The following RGS9 variants were observed in gnomAD, a reference collection of about 807,000 sequenced individuals.
RGS9 encodes regulator of G-protein signalling 9.
A neutral mutation model predicts 102.0 loss-of-function variants in RGS9; 78 were observed. That is an observed-to-expected ratio of 0.76 (90% CI 0.64 to 0.92). The LOEUF (loss-of-function observed/expected upper bound fraction) is 0.92. RGS9 is among the 40% of genes least tolerant of loss of function. The probability of loss-of-function intolerance (pLI) is 0.00; values close to 1 mark genes in which losing one functional copy is unlikely to be tolerated. For synonymous variants in RGS9, 353 were observed against 318.6 expected (o/e 1.11, Z -1.15); for missense variants, 833 against 866.1 (o/e 0.96, Z 0.48).
At chr17:65,221,232 G>A (rs1913697577) in intron 17 of RGS9, among the ~76,000 whole-genome samples, 1 of 152,200 alleles carries the variant, frequency 6.6e-6, no homozygotes, top group Admixed American at 6.5e-5. Context: ...GCCAGAGATG[G>A]ACCGAGAGAG....
intron 13 of RGS9, among the ~76,000 whole-genome samples, chr17:65,200,755 T>G (rs924256349): frequency 5.9e-5 from 9 of 151,736 alleles, no homozygotes; most frequent in Admixed American, 5.3e-4. Flanking sequence ...TATAGGTGGA[T>G]TTTTTTTTCA....
chr17:65,154,459 C>G (rs922677264), intron 2 of RGS9, among the ~76,000 whole-genome samples: 1 of 152,186 alleles, frequency 6.6e-6, no homozygotes, highest in African/African-American at 2.4e-5. Context: ...ATTTTAGAAA[C>G]CTTCACTGTC....
chr17:65,203,229 C>G (rs1912924064), intron 14 of RGS9, among the ~76,000 whole-genome samples: 1 of 152,146 alleles, frequency 6.6e-6, no homozygotes, highest in Non-Finnish European at 1.5e-5. Flanking sequence ...TGCAAATTTG[C>G]CCAGCTCCTC....
intron 16 of RGS9, among the ~76,000 whole-genome samples, chr17:65,209,213 G>A (rs1913191354): frequency 6.6e-6 from 1 of 152,206 alleles, no homozygotes; most frequent in Non-Finnish European, 1.5e-5. Flanking sequence ...TACAGTGGGT[G>A]TGAATTTTGT....
At chr17:65,182,013 T>A (rs1911903430) in intron 9 of RGS9, among the ~76,000 whole-genome samples, 1 of 152,174 alleles carries the variant, frequency 6.6e-6, no homozygotes, top group African/African-American at 2.4e-5. Flanking sequence ...CCTTTTCACC[T>A]TCTCATACTT....
chr17:65,215,549 T>TTCTTTCTTTC (rs1567893416), intron 17 of RGS9, among the ~76,000 whole-genome samples: 6 of 137,506 alleles, frequency 4.4e-5, no homozygotes, highest in Admixed American at 1.4e-4. Flanking sequence ...TCTTTCTTTT[T>TTCTTTCTTTC]TTTTGTTTTG....
At chr17:65,150,261 C>T (rs1910526530) in intron 1 of RGS9, among the ~76,000 whole-genome samples, 1 of 152,170 alleles carries the variant, frequency 6.6e-6, no homozygotes, top group African/African-American at 2.4e-5. Flanking sequence ...GGCCCTTCCA[C>T]CTAGAACACC....
At chr17:65,187,857 G>T (rs7221103) in intron 9 of RGS9, among the ~76,000 whole-genome samples, 2 of 151,978 alleles carry the variant, frequency 1.3e-5, no homozygotes, top group East Asian at 3.8e-4. Flanking sequence ...TTAGCTGGGC[G>T]TGGTGGTGTG....
chr17:65,210,404 C>T (rs1448364794), intron 16 of RGS9, 84 bp from the exon 17 acceptor site: 2 of 1,492,650 alleles, frequency 1.3e-6, no homozygotes, highest in African/African-American at 1.4e-5. Context: ...ACCTTCCAGC[C>T]CCAGCTCCCA....
Position 65,225,357 on chromosome 17 carries a change from G to T in RGS9, c.1763G>T (p.Arg588Leu). The T allele has an allele frequency of 1.2e-6, 2 of 1,611,716 alleles. No individual in the cohort carries two copies. Among genetic ancestry groups the T allele is most frequent in the Non-Finnish European group, 1.7e-6 (2 of 1,180,016 alleles). Residue 588 changes from arginine to leucine, a missense_variant, in exon 18 of 19, where the codon CGA (arginine) becomes CTA (leucine). By Grantham distance (102) the Arg-to-Leu change is moderately radical (BLOSUM62 -2). Transcript: ENST00000262406. ...CTGTCCTTCAGCAGGTTTCTGAGAC[G>T]AGGCTGTCTGGCCTCACCTGTCTTT... ...MALSFSRFLR[R>L]GCLASPVFAR... is the part of the protein sequence containing the mutation.
In RGS9 at chr17:65,227,356, G is replaced by A. The variant is rs757041644; in HGVS notation, c.1974G>A (p.Ser658=). The change falls in exon 19 of 19, where the codon TCG becomes TCA. Residue 658 remains serine, a synonymous_variant. Transcript: ENST00000262406. Reference sequence around the variant, plus strand: ...CGGAGGATGCTGGAACAGGAGAGTCGGGTGACCGGGCCACAGAAAAGGAGG... The same window carrying A: ...CGGAGGATGCTGGAACAGGAGAGTCAGGTGACCGGGCCACAGAAAAGGAGG... ...MDSEDAGTGE[S]GDRATEKEVI... 2.7e-5 allele frequency: 44 copies of A among 1,614,062 alleles called. No homozygotes were observed. Among genetic ancestry groups the A allele is most frequent in the African/African-American group, 4.0e-5 (3 of 74,910 alleles).
At chr17:65,183,415 G>A (rs542259830) in intron 9 of RGS9, among the ~76,000 whole-genome samples, 2 of 152,190 alleles carry the variant, frequency 1.3e-5, no homozygotes, top group East Asian at 1.9e-4. Context: ...GAGCCACCAC[G>A]CCTGGCCTTT....
intron 9 of RGS9, among the ~76,000 whole-genome samples, chr17:65,185,119 T>G (rs1433516597): frequency 1.3e-5 from 2 of 152,194 alleles, no homozygotes; most frequent in Non-Finnish European, 2.9e-5. Flanking sequence ...TTTCTCTCAC[T>G]GTCCCCTCCC....
chr17:65,180,105 C>T (rs1346720938), intron 9 of RGS9: 1 of 152,334 alleles, frequency 6.6e-6, no homozygotes, highest in Non-Finnish European at 1.5e-5. Flanking sequence ...GCCCTCCCCT[C>T]AGGCAGCCCC....
chr17:65,207,906 T>C lies in RGS9; in HGVS notation c.1204-16T>C, dbSNP rs1191235908. 6.3e-7 allele frequency: 1 copy of C among 1,589,188 alleles called. No individual in the cohort carries two copies. The highest frequency in any genetic ancestry group is 8.6e-7 in the Non-Finnish European group (1 of 1,157,964). ...TTTTTCTCTCATAATTACTGTTGTT[T>C]TCTTGTTCCCACTAGGATTCTTATG... On this transcript the variant is annotated splice_polypyrimidine_tract_variant and intron_variant, in intron 15 of 18. Coordinates refer to ENST00000262406, the MANE Select transcript of RGS9 (RefSeq NM_003835.4).
In RGS9 at chr17:65,227,670, A is replaced by G. The variant is rs74799441; in HGVS notation, c.*263A>G. The G allele has an allele frequency of 0.029, 14,834 of 518,982 alleles. 312 individuals carry two copies. Among genetic ancestry groups the G allele is most frequent in the African/African-American group, 0.069 (3,594 of 52,272 alleles). The allele number at this position is 518,982 out of a possible 1,614,324, so 32.1% of individuals were successfully genotyped here. On this transcript the variant is annotated 3_prime_UTR_variant, in exon 19 of 19. Transcript: ENST00000262406. The stretch of plus-strand genomic sequence containing the variant: ...CAGAAGACTTTCCCTGCTGCCTTAA[A>G]ACCAATAAAAGGTTAACTTTAAGTT...
rs761349639 is a variant in RGS9, at chr17:65,225,375, C to T, written c.1781C>T (p.Pro594Leu). The T allele has an allele frequency of 6.2e-7, 1 of 1,612,020 alleles. No individual in the cohort carries two copies. Among genetic ancestry groups the T allele is most frequent in the Non-Finnish European group, 8.5e-7 (1 of 1,180,036 alleles). Residue 594 changes from proline to leucine, a missense_variant, in exon 18 of 19, where the codon CCT becomes CTT. Around this residue, in one of 3 missense-constraint regions of RGS9, gnomAD observed 320 missense variants for 276.8 expected, o/e 1.16. Coordinates refer to ENST00000262406, the MANE Select transcript of RGS9 (RefSeq NM_003835.4). ...CTGAGACGAGGCTGTCTGGCCTCACCTGTCTTTGCCAGGCTCTCACCCAAG... is the reference window on the plus strand; with the variant it reads ...CTGAGACGAGGCTGTCTGGCCTCACTTGTCTTTGCCAGGCTCTCACCCAAG... ...RFLRRGCLAS[P>L]VFARLSPKCP... is the part of the protein sequence containing the mutation.
At chr17:65,192,038 GACTCA>G (rs1912388719) in intron 11 of RGS9, among the ~76,000 whole-genome samples, 1 of 152,214 alleles carries the variant, frequency 6.6e-6, no homozygotes, top group Non-Finnish European at 1.5e-5. Flanking sequence ...CAGAAGGTCT[GACTCA>G]ACTCAAGGGA....
chr17:65,225,749 T>C (rs1396670391), intron 18 of RGS9, among the ~76,000 whole-genome samples: 1 of 152,234 alleles, frequency 6.6e-6, no homozygotes, highest in African/African-American at 2.4e-5. Flanking sequence ...TTTCCCCTTA[T>C]ATGTTCTTCC....
Sources: allele counts gnomAD v4.1 joint callset (sites outside exome capture counted in the v4.1 genomes callset), GRCh38; gene constraint gnomAD v4.1.1; regional missense constraint gnomAD v4.1.1; transcripts MANE v1.5; gene names NCBI Gene and HGNC (gene_info 2026-07-23, HGNC 2026-07-21).